Variants in HVCN1 observed in about 807,000 individuals in gnomAD.
HVCN1 encodes the protein voltage-gated hydrogen channel 1.
A neutral mutation model predicts 29.2 loss-of-function variants in HVCN1; 14 were observed. That is an observed-to-expected ratio of 0.48 (90% confidence interval 0.32 to 0.75). HVCN1 has a LOEUF of 0.75. Ranked by LOEUF, HVCN1 falls within the 30% of genes least tolerant of loss-of-function variation. The probability of loss-of-function intolerance (pLI) is 0.04; values close to 1 mark genes in which losing one functional copy is unlikely to be tolerated. For synonymous variants in HVCN1, 131 were observed against 133.2 expected (o/e 0.98, Z 0.11); for missense variants, 263 against 341.8 (o/e 0.77, Z 1.82).
At chr12:110,668,221 C>T (rs973647722) in intron 3 of HVCN1, among the ~76,000 whole-genome samples, 1 of 152,076 alleles carries the variant, frequency 6.6e-6, no homozygotes, top group Non-Finnish European at 1.5e-5. Flanking sequence ...CAAAAACTCA[C>T]CTGGGCATGG....
At position 110,681,250 on chromosome 12, in the gene HVCN1, G is replaced by T. The variant is rs538628426; in HGVS notation, c.21+1975C>A. ...TCATAGTACATAAAATAAGGTGCAC[G>T]CATAGTGTTGTCTCATGTGCTAAGA... On this transcript the variant is annotated intron_variant, in intron 3 of 7. Transcript: ENST00000242607. Among the ~76,000 whole-genome samples, 4 of 152,260 alleles carry T rather than the reference G, an allele frequency of 2.6e-5. No homozygotes were observed. The South Asian group carries it at 8.3e-4, about 32-fold the overall frequency.
chr12:110,653,574 G>A (rs1457957878), intron 5 of HVCN1, among the ~76,000 whole-genome samples: 1 of 152,174 alleles, frequency 6.6e-6, no homozygotes, highest in Non-Finnish European at 1.5e-5. Context: ...GGACACGGTG[G>A]CTCTTGCCTG....
upstream of HVCN1, among the ~76,000 whole-genome samples, chr12:110,692,266 C>T (rs575977071): frequency 4.1e-4 from 63 of 152,190 alleles, no homozygotes; most frequent in Non-Finnish European, 6.9e-4. Flanking sequence ...TATTTGCAAT[C>T]GATGTGATTG....
In HVCN1 at chr12:110,661,131, G is replaced by C. The variant is rs1278252007; in HGVS notation, c.306+33C>G. On this transcript the variant is annotated intron_variant, in intron 4 of 7. Coordinates refer to ENST00000242607, the MANE Select transcript of HVCN1 (RefSeq NM_032369.4). The surrounding 1 kb of genome is among the most constrained non-coding windows in gnomAD (Gnocchi z 6.2). ...ACATTCCCCGATGGCTCTCCTGCCA[G>C]CTCTGGGTATCCCGGACTCCTGCCC... The C allele has an allele frequency of 6.4e-7, 1 of 1,559,788 alleles. No homozygotes were observed. Among genetic ancestry groups the C allele is most frequent in the Non-Finnish European group, 8.7e-7 (1 of 1,150,248 alleles).
intron 3 of HVCN1, among the ~76,000 whole-genome samples, chr12:110,679,816 G>A (rs1157841918): frequency 6.6e-6 from 1 of 151,364 alleles, no homozygotes. Context: ...TTGCGCCACT[G>A]CAGTCCGCAG....
At chr12:110,703,707 CAG>C (rs1338219813) in intron 1 of HVCN1, among the ~76,000 whole-genome samples, 2 of 151,222 alleles carry the variant, frequency 1.3e-5, no homozygotes, top group African/African-American at 2.4e-5. Context: ...TTTTTTGAGA[CAG>C]AGTTTCACCT....
intron 2 of HVCN1, among the ~76,000 whole-genome samples, chr12:110,700,323 A>G (rs1411503031): frequency 4.6e-5 from 7 of 152,320 alleles, no homozygotes; most frequent in East Asian, 1.9e-4. Context: ...TAGGACTCCA[A>G]TGGGACTTAA....
At chr12:110,703,207 CAAAAAAAA>C (rs758737358) in intron 1 of HVCN1, among the ~76,000 whole-genome samples, 32 of 98,784 alleles carry the variant, frequency 3.2e-4, no homozygotes, top group Non-Finnish European at 5.4e-4. Context: ...ATGTCTCTAC[CAAAAAAAA>C]AAAAAAAAAA....
chr12:110,660,102 C>T (rs1308021858), intron 4 of HVCN1, among the ~76,000 whole-genome samples: 3 of 151,554 alleles, frequency 2.0e-5, no homozygotes, highest in Non-Finnish European at 4.4e-5. Flanking sequence ...GTTGGCCGGG[C>T]ACGGTGGCTA....
At chr12:110,685,647 G>A (rs557259696) in intron 2 of HVCN1, among the ~76,000 whole-genome samples, 4 of 151,988 alleles carry the variant, frequency 2.6e-5, no homozygotes, top group South Asian at 2.1e-4. Context: ...CCACCCCAGC[G>A]CTTCCATAAA....
At chr12:110,655,366 T>A in intron 4 of HVCN1, 28 bp from the exon 5 acceptor site, 1 of 1,551,328 alleles carries the variant, frequency 6.4e-7, no homozygotes, top group Non-Finnish European at 8.9e-7. Context: ...GTGCCAGAGA[T>A]CATGAGACCC....
chr12:110,666,691 C>G (rs2068373363), intron 3 of HVCN1, among the ~76,000 whole-genome samples: 1 of 152,098 alleles, frequency 6.6e-6, no homozygotes, highest in Admixed American at 6.6e-5. Context: ...ACAGGCTGTT[C>G]CCTCAACCTG....
At chr12:110,683,046 G>A in intron 3 of HVCN1, 179 bp downstream of exon 3, 1 of 753,694 alleles carries the variant, frequency 1.3e-6, no homozygotes, top group Admixed American at 2.1e-5. Flanking sequence ...GGAATATCAG[G>A]CTACTTGGAG....
intron 2 of HVCN1, among the ~76,000 whole-genome samples, chr12:110,698,468 G>A (rs1192605027): frequency 1.3e-5 from 2 of 152,192 alleles, no homozygotes; most frequent in African/African-American, 4.8e-5. Flanking sequence ...TCCACACCTC[G>A]GTTCCGCCCT....
chr12:110,667,082 C>T (rs1377585167), intron 3 of HVCN1, among the ~76,000 whole-genome samples: 1 of 152,138 alleles, frequency 6.6e-6, no homozygotes, highest in Non-Finnish European at 1.5e-5. Flanking sequence ...ACTCCCAGGG[C>T]TGGCCAGGGC....
At chr12:110,686,927 T>C (rs902225011) in intron 2 of HVCN1, among the ~76,000 whole-genome samples, 10 of 152,114 alleles carry the variant, frequency 6.6e-5, no homozygotes, top group African/African-American at 2.4e-4. Flanking sequence ...ATAGTATGGC[T>C]AAAACCTGGA....
At position 110,661,431 on chromosome 12, in the gene HVCN1, G is replaced by C. The variant is rs142807961; in HGVS notation, c.39C>G (p.Ala13=). The C allele has an allele frequency of 3.8e-5, 62 of 1,613,926 alleles. No homozygotes were observed. The African/African-American group carries it at 8.1e-4, about 21-fold the overall frequency. ...TCATCCTCTCAGCGGGAGCCACCTTGGCCCTGCGGGTGACTGCCTAGAAGG... is the reference window on the plus strand; with the variant it reads ...TCATCCTCTCAGCGGGAGCCACCTTCGCCCTGCGGGTGACTGCCTAGAAGG... ...TWDEKAVTRR[A]KVAPAERMSK... The change falls in exon 4 of 8, where the codon GCC becomes GCG. Residue 13 remains alanine, a synonymous_variant. Coordinates refer to ENST00000242607, the MANE Select transcript of HVCN1 (RefSeq NM_032369.4). This position sits in a 1 kb window ranked among gnomAD's most constrained non-coding sequence, Gnocchi z 6.2.
chr12:110,697,083 C>A (rs2069505291), intron 2 of HVCN1, among the ~76,000 whole-genome samples: 1 of 151,812 alleles, frequency 6.6e-6, no homozygotes, highest in Non-Finnish European at 1.5e-5. Flanking sequence ...CACTGTGGTG[C>A]CCTCCATCAA....
chr12:110,689,715 G>A (rs1054196908), upstream of HVCN1: 1 of 152,284 alleles, frequency 6.6e-6, no homozygotes, highest in African/African-American at 2.4e-5. This position sits in a 1 kb window ranked among gnomAD's most constrained non-coding sequence, Gnocchi z 5.7. Flanking sequence ...ACTGGCAAGA[G>A]GGAGCCTTAC....
Sources: allele counts gnomAD v4.1 joint callset (sites outside exome capture counted in the v4.1 genomes callset), GRCh38; gene constraint gnomAD v4.1.1; non-coding constraint Gnocchi (gnomAD v3.1); transcripts MANE v1.5; gene names NCBI Gene and HGNC (gene_info 2026-07-23, HGNC 2026-07-21).